Variants in PTPRN2 observed in about 807,000 individuals in gnomAD.
The protein encoded by PTPRN2 is receptor-type tyrosine-protein phosphatase N2.
A neutral mutation model predicts 118.8 loss-of-function variants in PTPRN2; 74 were observed. The ratio of observed to expected loss-of-function variants is 0.62; its 90% CI spans 0.52 to 0.76. The LOEUF (loss-of-function observed/expected upper bound fraction) is 0.76. PTPRN2 is among the 30% of genes least tolerant of loss of function. The pLI, the probability that PTPRN2 is intolerant of heterozygous loss-of-function variation, is 0.00. For missense variants in PTPRN2, 1,481 were observed against 1,394.4 expected, an observed-to-expected ratio of 1.06 and a Z score of -0.99; for synonymous variants, 641 against 608.0, an observed-to-expected ratio of 1.05 and a Z score of -0.80.
intron 2 of PTPRN2, among the ~76,000 whole-genome samples, chr7:158,430,960 C>T (rs1816127531): frequency 6.6e-6 from 1 of 152,164 alleles, no homozygotes; most frequent in Admixed American, 6.5e-5. Flanking sequence ...TGAGCAGAAC[C>T]AGAGCAGACA....
At chr7:158,139,974 C>T (rs1819220093) in intron 6 of PTPRN2, among the ~76,000 whole-genome samples, 1 of 121,088 alleles carries the variant, frequency 8.3e-6, no homozygotes, top group South Asian at 2.2e-4. Flanking sequence ...TCCCTGTGGG[C>T]CTGCACACAG....
rs1827919246 is a variant in PTPRN2 at position 158,570,078 on chromosome 7, A to G, written c.112+17480T>C. Among the ~76,000 whole-genome samples the G allele has an allele frequency of 6.6e-6, 1 of 152,078 alleles. No homozygotes were observed. Among genetic ancestry groups the G allele is most frequent in the African/African-American group, 2.4e-5 (1 of 41,426 alleles). On this transcript the variant is annotated intron_variant, in intron 1 of 22. Transcript: ENST00000389418. The surrounding 1 kb of genome is among the most constrained non-coding windows in gnomAD (Gnocchi z 4.5). ...CGTCCTCCACCCGTTTCCCCCAGGC[A>G]GGGGGAAGCCCCGAGAAGCCGCCGC... is the stretch of plus-strand genomic sequence containing the variant.
chr7:157,884,434 C>T (rs1796342536), intron 12 of PTPRN2, among the ~76,000 whole-genome samples: 1 of 152,244 alleles, frequency 6.6e-6, no homozygotes, highest in South Asian at 2.1e-4. Context: ...GCTCTCGTCA[C>T]TGGAAACCCC....
chr7:157,655,794 C>T (rs558221828), intron 14 of PTPRN2, among the ~76,000 whole-genome samples: 6 of 152,270 alleles, frequency 3.9e-5, no homozygotes, highest in African/African-American at 9.6e-5. Context: ...TGGCAATGCA[C>T]GGCCACACAC....
At chr7:157,643,630 C>T (rs982059425) in intron 14 of PTPRN2, among the ~76,000 whole-genome samples, 9 of 152,242 alleles carry the variant, frequency 5.9e-5, no homozygotes, top group African/African-American at 1.9e-4. Context: ...GCTCCCCCGA[C>T]GGAGCCCCTG....
chr7:158,061,311 G>A (rs897193418), intron 11 of PTPRN2, among the ~76,000 whole-genome samples: 3 of 152,246 alleles, frequency 2.0e-5, no homozygotes, highest in Non-Finnish European at 2.9e-5. Flanking sequence ...GGAGGACTGA[G>A]TCCACGCAGG....
At chr7:158,420,203 T>C (rs1230795827) in intron 2 of PTPRN2, among the ~76,000 whole-genome samples, 1 of 152,148 alleles carries the variant, frequency 6.6e-6, no homozygotes, top group African/African-American at 2.4e-5. Flanking sequence ...CGAGCTGGCC[T>C]TACCCTGAAC....
rs1203982015 is a variant in PTPRN2, at chr7:157,914,967, CTAT to C, written c.1724-16233_1724-16231del. Among the ~76,000 whole-genome samples the C allele has an allele frequency of 4.6e-5, 7 of 152,172 alleles. 1 individual carries two copies. The East Asian group carries it at 7.7e-4, about 17-fold the overall frequency. On this transcript the variant is annotated intron_variant, in intron 11 of 22. Transcript: ENST00000389418. ...AACTCATACCCTTAGTTTAGAATTTCTATTATTATATCTTTCATTAAAATATAT... is the reference window on the plus strand; with the variant it reads ...AACTCATACCCTTAGTTTAGAATTTCTATTATATCTTTCATTAAAATATAT...
At chr7:158,482,813 T>C (rs984862953) in intron 2 of PTPRN2, among the ~76,000 whole-genome samples, 9 of 152,198 alleles carry the variant, frequency 5.9e-5, no homozygotes, top group African/African-American at 1.4e-4. Context: ...CTTTTGGGAA[T>C]TGATATGCAA....
At chr7:158,262,996 T>G (rs1049043003) in intron 3 of PTPRN2, among the ~76,000 whole-genome samples, 5 of 136,540 alleles carry the variant, frequency 3.7e-5, no homozygotes, top group African/African-American at 5.8e-5. Flanking sequence ...TTCACACACA[T>G]TGCACACACA....
rs1387743475 is a variant in PTPRN2, at chr7:157,615,607, G to A, written c.2344+5755C>T. On this transcript the variant is annotated intron_variant, in intron 15 of 22. Transcript: ENST00000389418. This position sits in a 1 kb window ranked among gnomAD's most constrained non-coding sequence, Gnocchi z 4.3. ...CCCGCGGTGGATCCGCGTCACGGGG[G>A]AGGATTGGCTCAGCACTGGTCCTGC... 3 of 471,234 alleles carry A rather than the reference G, an allele frequency of 6.4e-6. No homozygotes were observed. Among genetic ancestry groups the A allele is most frequent in the South Asian group, 4.6e-5 (3 of 64,572 alleles). 29.2% of individuals were successfully genotyped at this position (471,234 alleles called of 1,614,324 possible).
chr7:157,927,973 C>T (rs538371486), intron 11 of PTPRN2, among the ~76,000 whole-genome samples: 13 of 152,094 alleles, frequency 8.5e-5, no homozygotes, highest in Non-Finnish European at 1.3e-4. Context: ...GAGAGCTGCC[C>T]GACGCTTAGA....
rs777177986 is a variant in PTPRN2, at chr7:158,239,882, G to A, written c.278-34609C>T. Reference sequence around the variant, plus strand: ...ACTGGAGGATGCTATAAACAATCACGGATCTGAGCAGGTGGATGAAGGGAA... The same window carrying A: ...ACTGGAGGATGCTATAAACAATCACAGATCTGAGCAGGTGGATGAAGGGAA... On this transcript the variant is annotated intron_variant, in intron 3 of 22. Transcript: ENST00000389418. Among the ~76,000 whole-genome samples the A allele has an allele frequency of 1.1e-4, 16 of 152,126 alleles. No homozygotes were observed. In the East Asian group the frequency reaches 2.1e-3, roughly 20 times the overall value.
At chr7:157,717,491 C>A (rs1798982351) in intron 12 of PTPRN2, among the ~76,000 whole-genome samples, 1 of 152,266 alleles carries the variant, frequency 6.6e-6, no homozygotes, top group Admixed American at 6.5e-5. Context: ...AGTGTCCGAG[C>A]CTGCAATTGA....
At chr7:158,128,993 A>G (rs1817926741) in intron 9 of PTPRN2, among the ~76,000 whole-genome samples, 1 of 151,808 alleles carries the variant, frequency 6.6e-6, no homozygotes, top group Admixed American at 6.6e-5. Flanking sequence ...CCTACAACAC[A>G]CACCACACCA....
chr7:158,324,637 C>A (rs1184204878), intron 2 of PTPRN2, among the ~76,000 whole-genome samples: 2 of 151,860 alleles, frequency 1.3e-5, no homozygotes. Context: ...ATTTCTATCC[C>A]CAGCTCCATA....
rs1584943094 is a variant in PTPRN2 at position 157,881,986 on chromosome 7, CA to C, written c.1788+16686del. On this transcript the variant is annotated intron_variant, in intron 12 of 22. Transcript: ENST00000389418. This position sits in a 1 kb window ranked among gnomAD's most constrained non-coding sequence, Gnocchi z 4.7. ...TGTCATACATCAGAACATGCCACCCCAAAAACAACTGTCGAAGAACAGAACA... is the reference window on the plus strand; with the variant it reads ...TGTCATACATCAGAACATGCCACCCCAAAACAACTGTCGAAGAACAGAACA... Among the ~76,000 whole-genome samples the C allele has an allele frequency of 1.3e-5, 2 of 152,102 alleles. No individual in the cohort carries two copies. Among genetic ancestry groups the C allele is most frequent in the Admixed American group, 1.3e-4 (2 of 15,270 alleles).
In PTPRN2 at chr7:158,360,064, C is replaced by A. The variant is rs1243617287; in HGVS notation, c.164-43132G>T. 2.2e-5 allele frequency among the ~76,000 whole-genome samples: 3 copies of A among 139,442 alleles called. 1 individual carries two copies. In the East Asian group the frequency reaches 6.2e-4, roughly 29 times the overall value. 91.5% of individuals were successfully genotyped at this position (139,442 alleles called of 152,430 possible). On this transcript the variant is annotated intron_variant, in intron 2 of 22. Transcript: ENST00000389418. ...AAGTCCACCCACACCCAGGACGACGCACAGACCCCACATCCACCCTCACCC... is the reference window on the plus strand; with the variant it reads ...AAGTCCACCCACACCCAGGACGACGAACAGACCCCACATCCACCCTCACCC...
rs570898533 is a variant in PTPRN2 at position 157,910,113 on chromosome 7, G to A, written c.1724-11376C>T. Among the ~76,000 whole-genome samples the A allele has an allele frequency of 2.6e-5, 4 of 152,376 alleles. No homozygotes were observed. In the South Asian group the frequency reaches 8.3e-4, roughly 32 times the overall value. ...GATAAAAGGATATCTGAGGATTCCT[G>A]ATTTGCAGTCTCATGATTCTCTTCC... On this transcript the variant is annotated intron_variant, in intron 11 of 22. Coordinates refer to ENST00000389418, the MANE Select transcript of PTPRN2 (RefSeq NM_002847.5).
Sources: gnomAD v4.1 joint callset for allele counts (sites outside exome capture counted in the v4.1 genomes callset) on GRCh38, gnomAD v4.1.1 for gene constraint, Gnocchi (gnomAD v3.1) non-coding constraint, MANE v1.5 for transcripts, NCBI Gene and HGNC (gene_info 2026-07-23, HGNC 2026-07-21) for gene names.